The following GRM8 variants were observed in gnomAD, a reference collection of about 807,000 sequenced individuals.
GRM8 encodes metabotropic glutamate receptor 8.
In GRM8, 47 loss-of-function variants were observed where a neutral mutation model predicts 87.2. The ratio of observed to expected loss-of-function variants is 0.54; its 90% CI spans 0.43 to 0.69. The LOEUF (loss-of-function observed/expected upper bound fraction) is 0.69, where lower values mean the gene tolerates loss of function less well. Ranked by LOEUF, GRM8 falls within the 30% of genes least tolerant of loss-of-function variation. The probability of loss-of-function intolerance (pLI) is 0.00; values close to 1 mark genes in which losing one functional copy is unlikely to be tolerated. For missense variants in GRM8, 1,019 were observed against 1,139.2 expected (o/e 0.89, Z 1.52); for synonymous variants, 396 against 404.5 (o/e 0.98, Z 0.25).
At chr7:127,172,656 C>T (rs959052651) in intron 2 of GRM8, among the ~76,000 whole-genome samples, 14 of 150,684 alleles carry the variant, frequency 9.3e-5, no homozygotes, top group Non-Finnish European at 4.4e-5. Context: ...TGCAGTGAGC[C>T]GAGATCATGC....
At chr7:127,184,432 A>T (rs1446851499) in intron 2 of GRM8, among the ~76,000 whole-genome samples, 1 of 151,912 alleles carries the variant, frequency 6.6e-6, no homozygotes, top group East Asian at 1.9e-4. Flanking sequence ...CAGAAAAGGC[A>T]TTTGACAAAA....
intron 3 of GRM8, among the ~76,000 whole-genome samples, chr7:126,976,595 A>G (rs1304920516): frequency 6.6e-6 from 1 of 152,164 alleles, no homozygotes; most frequent in African/African-American, 2.4e-5. Flanking sequence ...CTCTGTCTCA[A>G]AACAACAACA....
At chr7:127,155,674 A>G (rs1037266341) in intron 2 of GRM8, among the ~76,000 whole-genome samples, 1 of 152,188 alleles carries the variant, frequency 6.6e-6, no homozygotes, top group South Asian at 2.1e-4. Flanking sequence ...TCGGTTCACA[A>G]AAGTTTTATT....
chr7:126,962,812 G>C (rs773601992), intron 3 of GRM8, among the ~76,000 whole-genome samples: 1 of 152,200 alleles, frequency 6.6e-6, no homozygotes, highest in Non-Finnish European at 1.5e-5. Flanking sequence ...GCTCTGGCCA[G>C]TGGTTTGCCC....
At chr7:127,198,058 ATTTG>A (rs1440063333) in intron 2 of GRM8, among the ~76,000 whole-genome samples, 1 of 152,054 alleles carries the variant, frequency 6.6e-6, no homozygotes, top group Non-Finnish European at 1.5e-5. Flanking sequence ...CAAATAGTTC[ATTTG>A]TTTAACCAAT....
At position 126,826,341 on chromosome 7, in the gene GRM8, T is replaced by C. The variant is rs182039297; in HGVS notation, c.1157-56276A>G. 2.5e-3 allele frequency among the ~76,000 whole-genome samples: 383 copies of C among 152,270 alleles called. 2 individuals carry two copies. The highest frequency in any genetic ancestry group is 8.8e-3 in the African/African-American group (364 of 41,536). On this transcript the variant is annotated intron_variant, in intron 6 of 10. Coordinates refer to ENST00000339582, the MANE Select transcript of GRM8 (RefSeq NM_000845.3). ...AACTAGTTTACAGTCCCAACAACAG[T>C]GTAAAAGTTTCCTATTTCTCCACAT... is the stretch of plus-strand genomic sequence containing the variant.
At chr7:126,484,587 T>G (rs1807133846) in intron 9 of GRM8, among the ~76,000 whole-genome samples, 1 of 150,422 alleles carries the variant, frequency 6.6e-6, no homozygotes, top group Admixed American at 6.6e-5. Flanking sequence ...ATTACTTTAC[T>G]TACTACTACT....
rs3993578 is a variant in GRM8, at chr7:127,165,141, GAT to G, written c.511-58431_511-58430del. Among the ~76,000 whole-genome samples the G allele has an allele frequency of 5.3e-3, 354 of 66,716 alleles. 3 individuals are homozygous for G. The highest frequency in any genetic ancestry group is 8.0e-3 in the Non-Finnish European group (228 of 28,636). The allele number at this position is 66,716 out of a possible 152,430, so 43.8% of individuals were successfully genotyped here. A position where few individuals can be genotyped will look rare whatever the true frequency, so the allele number is the denominator to read the frequency against. ...GAGGCAGATAATAAACATGTAAACA[GAT>G]ATATATATATATATATATATATATA... On this transcript the variant is annotated intron_variant, in intron 2 of 10. Coordinates refer to ENST00000339582, the MANE Select transcript of GRM8 (RefSeq NM_000845.3).
chr7:126,642,232 T>TTTG (rs1478629896), intron 7 of GRM8, among the ~76,000 whole-genome samples: 1 of 152,222 alleles, frequency 6.6e-6, no homozygotes, highest in African/African-American at 2.4e-5. Context: ...ACAACTCGGC[T>TTTG]TTGTGCTGAA....
chr7:126,524,751 C>A (rs1320759339), intron 9 of GRM8, among the ~76,000 whole-genome samples: 1 of 151,960 alleles, frequency 6.6e-6, no homozygotes, highest in South Asian at 2.1e-4. Context: ...GATCTCTGCT[C>A]TGGTTCTATG....
chr7:126,464,356 T>C (rs1804247959), intron 9 of GRM8, among the ~76,000 whole-genome samples: 1 of 151,694 alleles, frequency 6.6e-6, no homozygotes, highest in Non-Finnish European at 1.5e-5. Context: ...GTGAAGTGTG[T>C]TTCTTGTGGG....
intron 6 of GRM8, among the ~76,000 whole-genome samples, chr7:126,818,758 A>G (rs752263815): frequency 5.9e-5 from 9 of 152,200 alleles, no homozygotes; most frequent in Non-Finnish European, 1.0e-4. Flanking sequence ...GTTCAAACAT[A>G]AGGATATCAC....
intron 8 of GRM8, among the ~76,000 whole-genome samples, chr7:126,558,327 A>G (rs1793363069): frequency 6.6e-6 from 1 of 152,210 alleles, no homozygotes; most frequent in Non-Finnish European, 1.5e-5. Context: ...GTACAATTGA[A>G]GAAAATTACA....
intron 3 of GRM8, among the ~76,000 whole-genome samples, chr7:127,086,903 C>G (rs1823566553): frequency 6.6e-6 from 1 of 152,202 alleles, no homozygotes. Context: ...AAGCTGAACT[C>G]ACAAGTTCAT....
chr7:127,089,620 G>A (rs1218897549), intron 3 of GRM8, among the ~76,000 whole-genome samples: 2 of 152,206 alleles, frequency 1.3e-5, no homozygotes, highest in Non-Finnish European at 2.9e-5. Context: ...AACCCTGCCT[G>A]AGAAGTCAGA....
intron 7 of GRM8, among the ~76,000 whole-genome samples, chr7:126,733,928 AT>A: frequency 6.6e-6 from 1 of 152,164 alleles, no homozygotes; most frequent in South Asian, 2.1e-4. Context: ...AAGAATAAAA[AT>A]AACTGATAAT....
chr7:126,855,675 C>T (rs777147001), intron 6 of GRM8, among the ~76,000 whole-genome samples: 18 of 151,948 alleles, frequency 1.2e-4, no homozygotes, highest in Non-Finnish European at 2.6e-4. Flanking sequence ...TGGGTTTCAC[C>T]GTGTTGGCAA....
chr7:126,531,499 C>T (rs1321910432), intron 9 of GRM8, among the ~76,000 whole-genome samples: 1 of 152,146 alleles, frequency 6.6e-6, no homozygotes, highest in East Asian at 1.9e-4. Context: ...TTCAAATGAA[C>T]ACCTCCCACA....
intron 7 of GRM8, among the ~76,000 whole-genome samples, chr7:126,661,224 A>G (rs561336289): frequency 1.3e-5 from 2 of 152,316 alleles, no homozygotes; most frequent in South Asian, 4.1e-4. Context: ...TGGATACATC[A>G]TTTCCCATGA....
Sources: allele counts gnomAD v4.1 joint callset (sites outside exome capture counted in the v4.1 genomes callset), GRCh38; gene constraint gnomAD v4.1.1; transcripts MANE v1.5; gene names NCBI Gene and HGNC (gene_info 2026-07-23, HGNC 2026-07-21).